Variants in HLTF observed in about 807,000 individuals in gnomAD.
HLTF encodes the protein DNA-dependent ATPase/E3 ubiquitin-protein ligase HLTF.
In HLTF, 127 loss-of-function variants were observed where a neutral mutation model predicts 129.4. That is an observed-to-expected ratio of 0.98 (90% CI 0.85 to 1.14). HLTF has a LOEUF of 1.14. HLTF is among the 50% of genes most tolerant of loss of function. HLTF has a pLI of 0.00. For synonymous variants in HLTF, 332 were observed against 388.8 expected (o/e 0.85, Z 1.72); for missense variants, 1,139 against 1,187.1 (o/e 0.96, Z 0.60).
chr3:149,050,506 C>T, intron 14 of HLTF, 131 bp from the exon 15 acceptor site: 1 of 530,622 alleles, frequency 1.9e-6, no homozygotes, highest in Non-Finnish European at 3.3e-6. Context: ...ATCAAGTTTC[C>T]TTCAGTCTAG....
chr3:149,036,030 G>A (rs994287756), intron 23 of HLTF, among the ~76,000 whole-genome samples: 6 of 151,408 alleles, frequency 4.0e-5, no homozygotes, highest in African/African-American at 1.2e-4. Flanking sequence ...AGCTACTCGG[G>A]AGGCTGAGGC....
intron 10 of HLTF, 67 bp downstream of exon 10, chr3:149,063,364 T>C (rs1041624599): frequency 1.8e-6 from 2 of 1,091,374 alleles, no homozygotes; most frequent in Non-Finnish European, 2.8e-6. Context: ...CCAGCCTCTA[T>C]CTCTTTTACA....
chr3:149,066,529 A>T (rs1306385733), intron 8 of HLTF, among the ~76,000 whole-genome samples: 1 of 143,116 alleles, frequency 7.0e-6, no homozygotes, highest in Non-Finnish European at 1.5e-5. Flanking sequence ...AAGAGTGACA[A>T]TTTTTTTTTT....
At chr3:149,067,885 T>A (rs1718530625) in intron 8 of HLTF, among the ~76,000 whole-genome samples, 1 of 152,162 alleles carries the variant, frequency 6.6e-6, no homozygotes. Flanking sequence ...GGCTCACACC[T>A]ATAGCCCCAG....
At chr3:149,062,954 ATACTC>A (rs1486025086) in intron 10 of HLTF, 9 of 399,700 alleles carry the variant, frequency 2.3e-5, no homozygotes, top group Middle Eastern at 7.2e-4. Context: ...TAAAATGAGA[ATACTC>A]TATCTGCCTA....
intron 7 of HLTF, among the ~76,000 whole-genome samples, chr3:149,070,514 T>C (rs1473789514): frequency 6.6e-6 from 1 of 152,222 alleles, no homozygotes; most frequent in Non-Finnish European, 1.5e-5. Flanking sequence ...TAACTACTGA[T>C]AACAGCACAC....
Position 149,048,879 on chromosome 3 carries a change from T to C in HLTF, c.1740A>G (p.Arg580=), listed in dbSNP as rs34474865. ...TKAVLDLESE[R]RWVLTGTPIQ... is the part of the protein sequence containing the mutation. Reference sequence around the variant, plus strand: ...TATGATTACCTGTCAAAACCCATCTTCTTTCTGATTCTAAGTCAAGTACAG... The same window carrying C: ...TATGATTACCTGTCAAAACCCATCTCCTTTCTGATTCTAAGTCAAGTACAG... Residue 580 remains arginine (R), a synonymous_variant, in exon 16 of 25, where the codon AGA becomes AGG. Coordinates refer to ENST00000310053, the MANE Select transcript of HLTF (RefSeq NM_003071.4). The C allele has an allele frequency of 0.062, 99,410 of 1,611,738 alleles. 3,488 individuals carry two copies. Among genetic ancestry groups the C allele is most frequent in the Non-Finnish European group, 0.073 (85,479 of 1,177,852 alleles).
At chr3:149,041,031 T>C (rs950882825) in intron 20 of HLTF, among the ~76,000 whole-genome samples, 4 of 152,156 alleles carry the variant, frequency 2.6e-5, no homozygotes, top group Non-Finnish European at 4.4e-5. Context: ...GGCAATTACG[T>C]CCTTGAAATG....
Position 149,063,486 on chromosome 3 carries a change from T to C in HLTF, c.1105A>G (p.Ile369Val). 2 of 1,611,500 alleles carry C rather than the reference T, an allele frequency of 1.2e-6. No homozygotes were observed. Among genetic ancestry groups the C allele is most frequent in the Non-Finnish European group, 1.7e-6 (2 of 1,177,718 alleles). Residue 369 changes from isoleucine to valine, a missense_variant, in exon 10 of 25, where the codon ATC becomes GTC. Physicochemically the swap from Ile to Val is conservative, Grantham distance 29. Coordinates refer to ENST00000310053, the MANE Select transcript of HLTF (RefSeq NM_003071.4). ...ATGCGAAACTTACTCTTCTCCTTGA[T>C]ATCTGAAATACTGGGTTGTTCACTA... ...RCSEQPSISD[I>V]KEKSKFRMSE...
chr3:149,058,892 C>G (rs1278799953), intron 13 of HLTF, among the ~76,000 whole-genome samples: 1 of 152,160 alleles, frequency 6.6e-6, no homozygotes, highest in Non-Finnish European at 1.5e-5. Context: ...TTAATTCTAT[C>G]TCAACCGAAA....
At chr3:149,044,679 A>C (rs1716396836) in intron 18 of HLTF, among the ~76,000 whole-genome samples, 1 of 152,138 alleles carries the variant, frequency 6.6e-6, no homozygotes, top group East Asian at 1.9e-4. Flanking sequence ...TTAGCTTAAA[A>C]AAATCTCTGC....
rs764252807 is a variant in HLTF at position 149,040,496 on chromosome 3, A to T, written c.2377-340T>A. Among the ~76,000 whole-genome samples, 15 of 152,012 alleles carry T rather than the reference A, an allele frequency of 9.9e-5. 1 individual carries two copies. The highest frequency in any genetic ancestry group is 7.2e-4 in the Admixed American group (11 of 15,264). On this transcript the variant is annotated intron_variant, in intron 20 of 24. Transcript: ENST00000310053. ...TAAATACAATACAGCTACACTATTTAGTACTATTCTTTAAAAAAAAATCCA... is the reference window on the plus strand; with the variant it reads ...TAAATACAATACAGCTACACTATTTTGTACTATTCTTTAAAAAAAAATCCA...
chr3:149,082,288 C>G (rs1719938825), intron 2 of HLTF, among the ~76,000 whole-genome samples: 1 of 152,164 alleles, frequency 6.6e-6, no homozygotes, highest in Non-Finnish European at 1.5e-5. Flanking sequence ...GAAACCCCGT[C>G]TCTACCAAAA....
chr3:149,080,925 A>G (rs187833920), intron 2 of HLTF, among the ~76,000 whole-genome samples: 1 of 152,328 alleles, frequency 6.6e-6, no homozygotes, highest in Admixed American at 6.5e-5. Context: ...GACAGACCAC[A>G]TGCATTATGC....
At chr3:149,032,971 A>AAAAAAAC (rs1553735772) in intron 24 of HLTF, among the ~76,000 whole-genome samples, 12 of 141,062 alleles carry the variant, frequency 8.5e-5, no homozygotes, top group African/African-American at 5.4e-5. Context: ...AAAAAAAAAA[A>AAAAAAAC]AAAAAACAAA....
intron 17 of HLTF, among the ~76,000 whole-genome samples, 196 bp from the exon 18 acceptor site, chr3:149,046,455 T>C (rs1327109108): frequency 1.3e-5 from 2 of 152,130 alleles, no homozygotes; most frequent in Admixed American, 1.3e-4. Context: ...TTAAAACAAA[T>C]GTATGGAAAT....
chr3:149,049,812 G>A (rs554849643), intron 15 of HLTF, among the ~76,000 whole-genome samples: 16 of 152,238 alleles, frequency 1.1e-4, no homozygotes, highest in Middle Eastern at 3.4e-3. Context: ...GACCAAGATG[G>A]TGAAACCTCA....
intron 24 of HLTF, among the ~76,000 whole-genome samples, chr3:149,032,866 G>A (rs1007808343): frequency 6.6e-6 from 1 of 151,684 alleles, no homozygotes; most frequent in Non-Finnish European, 1.5e-5. Context: ...GGGAGGCTGA[G>A]GCAGGAGAAT....
At chr3:149,035,384 T>A (rs1201322871) in intron 23 of HLTF, among the ~76,000 whole-genome samples, 2 of 152,150 alleles carry the variant, frequency 1.3e-5, no homozygotes, top group African/African-American at 4.8e-5. Flanking sequence ...TTCTTGGGCC[T>A]ATTTAGTTTT....
Sources: gnomAD v4.1 joint callset for allele counts (sites outside exome capture counted in the v4.1 genomes callset) on GRCh38, gnomAD v4.1.1 for gene constraint, MANE v1.5 for transcripts, NCBI Gene and HGNC (gene_info 2026-07-23, HGNC 2026-07-21) for gene names.